CHLSN: variants seen among roughly 807,000 people sequenced by gnomAD.
CHLSN encodes the protein cholesin.
chr7:1,076,219 G>A, the CHLSN span: 286 of 153,148 alleles, frequency 1.9e-3, 3 homozygotes, highest in Middle Eastern at 3.3e-3. Context: ...AGGGTAAGAA[G>A]AGCAGTGCAG....
the CHLSN span, among the ~76,000 whole-genome samples, chr7:1,097,992 C>G: frequency 4.6e-5 from 7 of 152,126 alleles, no homozygotes; most frequent in African/African-American, 1.7e-4. This position sits in a 1 kb window ranked among gnomAD's most constrained non-coding sequence, Gnocchi z 4.3. Context: ...AACAGGGATC[C>G]TAGATGGGTG....
the CHLSN span, among the ~76,000 whole-genome samples, chr7:1,005,481 C>A: frequency 6.6e-6 from 1 of 152,246 alleles, no homozygotes; most frequent in Non-Finnish European, 1.5e-5. Context: ...AAGGCCCGAG[C>A]GGGGCTGGCG....
chr7:1,012,030 C>T, the CHLSN span, among the ~76,000 whole-genome samples: 1 of 152,194 alleles, frequency 6.6e-6, no homozygotes, highest in African/African-American at 2.4e-5. Flanking sequence ...CAGCTCCATG[C>T]TCACCTCCTA....
chr7:1,015,907 T>C, the CHLSN span, among the ~76,000 whole-genome samples: 186 of 152,290 alleles, frequency 1.2e-3, no homozygotes, highest in Non-Finnish European at 2.1e-3. Flanking sequence ...CATGTGACAC[T>C]GATGTCACCT....
At chr7:1,030,547 AG>A in the CHLSN span, among the ~76,000 whole-genome samples, 1 of 152,248 alleles carries the variant, frequency 6.6e-6, no homozygotes, top group Non-Finnish European at 1.5e-5. Flanking sequence ...CACTTCACAG[AG>A]GGGGAACCAA....
At chr7:1,138,206 CACGTCGCCCACCT>C in the CHLSN span, 1 of 55,464 alleles carries the variant, frequency 1.8e-5, no homozygotes, top group Non-Finnish European at 3.4e-5. Flanking sequence ...CACCTGCGCC[CACGTCGCCCACCT>C]AAGCGTGAAC....
the CHLSN span, among the ~76,000 whole-genome samples, chr7:998,610 A>C: frequency 6.6e-6 from 1 of 151,878 alleles, no homozygotes; most frequent in Non-Finnish European, 1.5e-5. Context: ...ACACCTAGCT[A>C]ATTTTTGTAT....
the CHLSN span, among the ~76,000 whole-genome samples, chr7:1,006,286 C>T: frequency 6.6e-6 from 1 of 152,220 alleles, no homozygotes; most frequent in South Asian, 2.1e-4. Context: ...AGGGGACAGT[C>T]ACAGCACAGG....
the CHLSN span, among the ~76,000 whole-genome samples, chr7:1,063,228 C>T: frequency 6.6e-6 from 1 of 152,214 alleles, no homozygotes; most frequent in Non-Finnish European, 1.5e-5. Context: ...GCGACGCTGT[C>T]CCCAAACAGC....
chr7:1,060,116 T>C, the CHLSN span, among the ~76,000 whole-genome samples: 30 of 151,992 alleles, frequency 2.0e-4, 1 homozygote, highest in African/African-American at 5.6e-4. Context: ...CTTCCACCCA[T>C]TGGGATTTTG....
the CHLSN span, among the ~76,000 whole-genome samples, chr7:1,007,495 C>T: frequency 6.6e-6 from 1 of 152,178 alleles, no homozygotes; most frequent in Admixed American, 6.5e-5. Context: ...CCAGGGATAC[C>T]GTGGGCTCCA....
chr7:1,096,168 G>A, the CHLSN span, among the ~76,000 whole-genome samples: 6 of 152,192 alleles, frequency 3.9e-5, no homozygotes, highest in Non-Finnish European at 8.8e-5. The surrounding 1 kb of genome is among the most constrained non-coding windows in gnomAD (Gnocchi z 4.6). Context: ...GCGTCACGCC[G>A]CCCCACTACG....
chr7:1,028,148 C>G, the CHLSN span: 17 of 762,742 alleles, frequency 2.2e-5, no homozygotes, highest in Non-Finnish European at 2.6e-5. Flanking sequence ...GTCTGGACGC[C>G]ACGGCCTCCC....
the CHLSN span, among the ~76,000 whole-genome samples, chr7:1,132,198 T>A: frequency 6.6e-6 from 1 of 152,192 alleles, no homozygotes; most frequent in South Asian, 2.1e-4. Flanking sequence ...GAAAAAGAGA[T>A]AATAAATTGG....
chr7:1,087,274 G>C, the CHLSN span: 1 of 152,234 alleles, frequency 6.6e-6, no homozygotes, highest in African/African-American at 2.4e-5. Context: ...CAGCGAGCGC[G>C]GGAGGAGGGA....
the CHLSN span, among the ~76,000 whole-genome samples, chr7:1,115,879 A>AT: frequency 1.1e-5 from 1 of 88,534 alleles, no homozygotes. Flanking sequence ...CTACAGCTCT[A>AT]GGACCGGCTT....
At chr7:1,124,933 A>G in the CHLSN span, among the ~76,000 whole-genome samples, 2 of 152,124 alleles carry the variant, frequency 1.3e-5, no homozygotes, top group Non-Finnish European at 2.9e-5. Context: ...GTGTTCTGCT[A>G]GAGAGCCCAG....
At chr7:1,062,065 C>T in the CHLSN span, among the ~76,000 whole-genome samples, 16 of 152,246 alleles carry the variant, frequency 1.1e-4, no homozygotes, top group Non-Finnish European at 2.9e-5. Context: ...CAGCGCGTGA[C>T]GTCCCAGGGT....
the CHLSN span, chr7:997,415 G>A: frequency 1.2e-5 from 6 of 515,240 alleles, no homozygotes; most frequent in African/African-American, 2.0e-5. Context: ...TGTCACAGCC[G>A]TCACCGGCCA....
Sources: gnomAD v4.1 joint callset for allele counts (sites outside exome capture counted in the v4.1 genomes callset) on GRCh38, gnomAD v4.1.1 for gene constraint, Gnocchi (gnomAD v3.1) non-coding constraint, MANE v1.5 for transcripts, NCBI Gene and HGNC (gene_info 2026-07-23, HGNC 2026-07-21) for gene names.